DCC: variants seen among roughly 807,000 people sequenced by gnomAD.
DCC encodes netrin receptor DCC.
A neutral mutation model predicts 172.5 loss-of-function variants in DCC; 58 were observed. The ratio of observed to expected loss-of-function variants is 0.34; its 90% CI spans 0.27 to 0.42. The LOEUF (loss-of-function observed/expected upper bound fraction) is 0.42, where lower values mean the gene tolerates loss of function less well. Ranked by LOEUF, DCC falls within the 10% of genes least tolerant of loss-of-function variation. The probability of loss-of-function intolerance (pLI) is 1.00; values close to 1 mark genes in which losing one functional copy is unlikely to be tolerated. For synonymous variants in DCC, 709 were observed against 644.5 expected (o/e 1.10, Z -1.52); for missense variants, 1,740 against 1,791.0 (o/e 0.97, Z 0.51).
chr18:53,247,151 A>C (rs1198793047), intron 12 of DCC, among the ~76,000 whole-genome samples: 3 of 151,990 alleles, frequency 2.0e-5, no homozygotes, highest in Non-Finnish European at 4.4e-5. Flanking sequence ...GAAGAGGACA[A>C]CCTTAGATTA....
At chr18:53,473,697 A>C (rs902400185) in intron 25 of DCC, among the ~76,000 whole-genome samples, 5 of 152,238 alleles carry the variant, frequency 3.3e-5, no homozygotes, top group Non-Finnish European at 7.3e-5. Flanking sequence ...CAGCTTAAGC[A>C]ACTTCCTCTA....
intron 5 of DCC, among the ~76,000 whole-genome samples, chr18:53,009,782 C>A (rs1697607994): frequency 6.6e-6 from 1 of 151,908 alleles, no homozygotes; most frequent in South Asian, 2.1e-4. Context: ...GAACCAGATG[C>A]TCAGCATTAA....
At chr18:52,424,899 A>C (rs1987372846) in intron 1 of DCC, among the ~76,000 whole-genome samples, 1 of 149,854 alleles carries the variant, frequency 6.7e-6, no homozygotes, top group Non-Finnish European at 1.5e-5. Flanking sequence ...TTCATTTTTT[A>C]TTATCTCTCC....
Position 52,721,149 on chromosome 18 carries a change from A to C in DCC, c.92-30905A>C, listed in dbSNP as rs546764876. Among the ~76,000 whole-genome samples, 30 of 152,302 alleles carry C rather than the reference A, an allele frequency of 2.0e-4. No individual in the cohort carries two copies. In the East Asian group the frequency reaches 5.6e-3, roughly 28 times the overall value. On this transcript the variant is annotated intron_variant, in intron 1 of 28. Coordinates refer to ENST00000442544, the MANE Select transcript of DCC (RefSeq NM_005215.4). ...GCCTTAGCAGAGGGCCTCAGTGCCC[A>C]TCTGCTTAGTATTATCCACATGAGT... is the stretch of plus-strand genomic sequence containing the variant.
chr18:52,882,965 T>G (rs2039509129), intron 2 of DCC, among the ~76,000 whole-genome samples: 2 of 152,152 alleles, frequency 1.3e-5, no homozygotes, highest in Non-Finnish European at 1.5e-5. Flanking sequence ...TTTCAGTTGA[T>G]GTATCCTCTG....
chr18:52,431,750 G>T (rs1332927388), intron 1 of DCC, among the ~76,000 whole-genome samples: 3 of 152,090 alleles, frequency 2.0e-5, no homozygotes, highest in African/African-American at 7.2e-5. Context: ...AGAGACACTA[G>T]CCTTTTTTCA....
intron 15 of DCC, among the ~76,000 whole-genome samples, chr18:53,351,608 T>C (rs1599054215): frequency 6.7e-6 from 1 of 149,966 alleles, no homozygotes; most frequent in East Asian, 2.0e-4. Context: ...ATTTTGTATT[T>C]TATAATCTGA....
chr18:52,940,704 T>A (rs1483770732), intron 5 of DCC, among the ~76,000 whole-genome samples: 1 of 152,192 alleles, frequency 6.6e-6, no homozygotes, highest in African/African-American at 2.4e-5. Flanking sequence ...CAAACTATGC[T>A]GATATGATGA....
chr18:53,035,478 C>T (rs539146526), intron 5 of DCC, among the ~76,000 whole-genome samples: 2 of 152,048 alleles, frequency 1.3e-5, no homozygotes, highest in East Asian at 3.9e-4. Flanking sequence ...TTAGACTTTC[C>T]AGTGCTAAGT....
At chr18:52,505,259 T>A (rs562916312) in intron 1 of DCC, among the ~76,000 whole-genome samples, 1 of 152,310 alleles carries the variant, frequency 6.6e-6, no homozygotes, top group Non-Finnish European at 1.5e-5. Flanking sequence ...TGCTCTGTGC[T>A]TTTCAAATAA....
At chr18:53,033,876 A>G (rs2042058188) in intron 5 of DCC, among the ~76,000 whole-genome samples, 1 of 151,954 alleles carries the variant, frequency 6.6e-6, no homozygotes, top group Admixed American at 6.6e-5. Flanking sequence ...GTCTCCAATG[A>G]CCTGTATGGT....
At chr18:53,236,411 A>G (rs953103842) in intron 12 of DCC, among the ~76,000 whole-genome samples, 3 of 152,116 alleles carry the variant, frequency 2.0e-5, no homozygotes, top group African/African-American at 4.8e-5. Context: ...AATCTTCTAA[A>G]TTATCAATGT....
chr18:52,592,945 A>G (rs988402555), intron 1 of DCC, among the ~76,000 whole-genome samples: 7 of 152,142 alleles, frequency 4.6e-5, no homozygotes, highest in African/African-American at 1.4e-4. Context: ...ACACCCAGCC[A>G]AGATATTAAA....
Position 52,541,863 on chromosome 18 carries a change from A to ATGTG in DCC, c.91+200995_91+200998dup, listed in dbSNP as rs547611470. 4.2e-3 allele frequency among the ~76,000 whole-genome samples: 523 copies of ATGTG among 125,872 alleles called. 6 individuals are homozygous for ATGTG. The highest frequency in any genetic ancestry group is 5.8e-3 in the East Asian group (26 of 4,494). 82.6% of individuals were successfully genotyped at this position (125,872 alleles called of 152,430 possible). On this transcript the variant is annotated intron_variant, in intron 1 of 28. Coordinates refer to ENST00000442544, the MANE Select transcript of DCC (RefSeq NM_005215.4). ...GAGAAGAGTGGCTTAAAAGTATATG[A>ATGTG]TGTGTGTGTGTGTATATATATATAT...
At chr18:52,964,498 G>A (rs1598977599) in intron 5 of DCC, among the ~76,000 whole-genome samples, 1 of 152,058 alleles carries the variant, frequency 6.6e-6, no homozygotes, top group East Asian at 1.9e-4. Context: ...ATGGATTAGG[G>A]CTATAGTTGG....
chr18:53,429,019 AT>A lies in DCC; in HGVS notation c.3164-6119del, dbSNP rs1291343130. Among the ~76,000 whole-genome samples the A allele has an allele frequency of 6.4e-3, 369 of 58,058 alleles. 103 individuals carry two copies. The highest frequency in any genetic ancestry group is 0.012 in the Non-Finnish European group (309 of 26,218). 38.1% of individuals were successfully genotyped at this position (58,058 alleles called of 152,430 possible). A position where few individuals can be genotyped will look rare whatever the true frequency, so the allele number is the denominator to read the frequency against. On this transcript the variant is annotated intron_variant, in intron 21 of 28. Transcript: ENST00000442544. ...TTTTTATATAATATATATTTTATAT[AT>A]TTTTTATATAATATATATTTTATAT...
intron 2 of DCC, among the ~76,000 whole-genome samples, chr18:52,773,255 A>G (rs2145169600): frequency 6.6e-6 from 1 of 152,308 alleles, no homozygotes; most frequent in Admixed American, 6.5e-5. Flanking sequence ...CTGGCCTTTG[A>G]ACTCTTAATG....
chr18:52,797,383 A>C (rs896849436), intron 2 of DCC, among the ~76,000 whole-genome samples: 9 of 152,120 alleles, frequency 5.9e-5, no homozygotes, highest in African/African-American at 2.2e-4. Flanking sequence ...GCTTCTTCCA[A>C]TTTTATGGAT....
At chr18:52,563,502 T>G (rs1185445764) in intron 1 of DCC, among the ~76,000 whole-genome samples, 3 of 152,172 alleles carry the variant, frequency 2.0e-5, no homozygotes, top group Non-Finnish European at 4.4e-5. Context: ...CATTCCATCT[T>G]CAGCAGGCAC....
Sources: gnomAD v4.1 joint callset for allele counts (sites outside exome capture counted in the v4.1 genomes callset) on GRCh38, gnomAD v4.1.1 for gene constraint, MANE v1.5 for transcripts, NCBI Gene and HGNC (gene_info 2026-07-23, HGNC 2026-07-21) for gene names.